The following AP3B2 variants were observed in gnomAD, a reference collection of about 807,000 sequenced individuals.
The protein encoded by AP3B2 is adaptor related protein complex 3 subunit beta 2.
A neutral mutation model predicts 126.9 loss-of-function variants in AP3B2; 50 were observed. The ratio of observed to expected loss-of-function variants is 0.39; its 90% CI spans 0.31 to 0.50. The LOEUF is 0.50. Ranked by LOEUF, AP3B2 falls within the 20% of genes least tolerant of loss-of-function variation. The pLI, the probability that AP3B2 is intolerant of heterozygous loss-of-function variation, is 0.79. For synonymous variants in AP3B2, 541 were observed against 565.0 expected, an observed-to-expected ratio of 0.96 and a Z score of 0.60; for missense variants, 1,177 against 1,426.4, an observed-to-expected ratio of 0.83 and a Z score of 2.82.
chr15:82,688,801 G>C lies in AP3B2; in HGVS notation c.295C>G (p.Arg99Gly). 6.2e-7 allele frequency: 1 copy of C among 1,612,832 alleles called. No individual in the cohort carries two copies. Among genetic ancestry groups the C allele is most frequent in the Non-Finnish European group, 8.5e-7 (1 of 1,179,454 alleles). Reference protein sequence around the residue: ...VKKLVYVYLVRYAEEQQDLAL... With the variant: ...VKKLVYVYLVGYAEEQQDLAL... ...AGGTCTTGCTGCTCCTCAGCGTAGCGTACCAGGTACACATAGACAAGCTTC... is the reference window on the plus strand; with the variant it reads ...AGGTCTTGCTGCTCCTCAGCGTAGCCTACCAGGTACACATAGACAAGCTTC... The change falls in exon 4 of 27, where the codon CGC (arginine) becomes GGC (glycine). Residue 99 changes from arginine to glycine, a missense_variant. Arg to Gly is a moderately radical substitution (Grantham distance 125, BLOSUM62 -2). Coordinates refer to ENST00000535359, the MANE Select transcript of AP3B2 (RefSeq NM_001278512.2).
intron 4 of AP3B2, chr15:82,688,313 C>T (rs2048465689): frequency 1.6e-6 from 1 of 644,974 alleles, no homozygotes; most frequent in Non-Finnish European, 2.8e-6. Context: ...CAAAATGAAA[C>T]AAAAGGTGAG....
At position 82,677,042 on chromosome 15, in the gene AP3B2, A is replaced by G. The variant is rs536746961; in HGVS notation, c.1488+232T>C. On this transcript the variant is annotated intron_variant, in intron 13 of 26. Coordinates refer to ENST00000535359, the MANE Select transcript of AP3B2 (RefSeq NM_001278512.2). ...CAACCATGGTTGGCTAGAGCTTTAG[A>G]GAGAAAACAAGAGTAGTAGTAAAGT... Among the ~76,000 whole-genome samples the G allele has an allele frequency of 3.9e-5, 6 of 152,330 alleles. No individual in the cohort carries two copies. The East Asian group carries it at 1.2e-3, about 29-fold the overall frequency.
intron 1 of AP3B2, among the ~76,000 whole-genome samples, chr15:82,707,384 T>C (rs1354891771): frequency 6.6e-6 from 1 of 152,234 alleles, no homozygotes; most frequent in East Asian, 1.9e-4. Context: ...TAGATGCTCC[T>C]TTTTATTAGG....
Position 82,665,376 on chromosome 15 carries a change from A to AACACACACACAC in AP3B2, c.1971+69_1972-74dup, listed in dbSNP as rs60428596. ...GGGCTCCCTACTGTCTGCCCCCACC[A>AACACACACACAC]ACACACACACACACACACACACACA... On this transcript the variant is annotated intron_variant, in intron 16 of 26. Coordinates refer to ENST00000535359, the MANE Select transcript of AP3B2 (RefSeq NM_001278512.2). This position sits in a 1 kb window ranked among gnomAD's most constrained non-coding sequence, Gnocchi z 4.4. 1,260 of 1,256,800 alleles carry AACACACACACAC rather than the reference A, an allele frequency of 1.0e-3. 4 individuals are homozygous for AACACACACACAC. The highest frequency in any genetic ancestry group is 2.9e-3 in the African/African-American group (169 of 58,062). 77.9% of individuals were successfully genotyped at this position (1,256,800 alleles called of 1,614,324 possible). A position where few individuals can be genotyped will look rare whatever the true frequency, so the allele number is the denominator to read the frequency against.
At chr15:82,670,112 T>TTGGG (rs1555465704) in intron 14 of AP3B2, among the ~76,000 whole-genome samples, 14 of 68,932 alleles carry the variant, frequency 2.0e-4, no homozygotes, top group African/African-American at 5.1e-4. Flanking sequence ...TTTTTTTTTT[T>TTGGG]GGCGGGGGGG....
rs1339849670 is a variant in AP3B2, at chr15:82,663,878, T to C, written c.2359A>G (p.Ser787Gly). The change falls in exon 20 of 27, where the codon AGT becomes GGT. Residue 787 changes from serine to glycine, a missense_variant. Around this residue, in one of 5 missense-constraint regions of AP3B2, gnomAD observed 587 missense variants for 571.3 expected, o/e 1.03. Coordinates refer to ENST00000535359, the MANE Select transcript of AP3B2 (RefSeq NM_001278512.2). The part of the protein sequence containing the change: ...SSSDEGSDSS[S>G]SSSESEMTSE... ...GTCATCTCGGACTCTGATGAGCTACTGCTGGAATCGCTGCCCTCATCAGAG... is the reference window on the plus strand; with the variant it reads ...GTCATCTCGGACTCTGATGAGCTACCGCTGGAATCGCTGCCCTCATCAGAG... The C allele has an allele frequency of 6.2e-7, 1 of 1,613,760 alleles. No individual in the cohort carries two copies. Among genetic ancestry groups the C allele is most frequent in the Admixed American group, 1.7e-5 (1 of 60,006 alleles).
rs931951015 is a variant in AP3B2, at chr15:82,661,913, G to T, written c.2928C>A (p.Thr976=). ...GCTGAATGGAGACGTAGAACTGTCG[G>T]GTCTGGGTGCTGGGAGGGGTGGGAG... ...QAANFQLCTQ[T]RQFYVSIQPP... The change falls in exon 25 of 27, where the codon ACC becomes ACA. Residue 976 remains threonine, a synonymous_variant. Coordinates refer to ENST00000535359, the MANE Select transcript of AP3B2 (RefSeq NM_001278512.2). The T allele has an allele frequency of 5.0e-6, 8 of 1,613,774 alleles. No individual in the cohort carries two copies. Among genetic ancestry groups the T allele is most frequent in the Non-Finnish European group, 6.8e-6 (8 of 1,179,818 alleles).
Position 82,663,774 on chromosome 15 carries a change from A to G in AP3B2, c.2436+27T>C, listed in dbSNP as rs1181859557. The G allele has an allele frequency of 1.9e-6, 3 of 1,605,202 alleles. No homozygotes were observed. The Admixed American group carries it at 5.0e-5, about 27-fold the overall frequency. On this transcript the variant is annotated intron_variant, in intron 20 of 26. Transcript: ENST00000535359. ...GGGGAGGGCCCTGGCCCATGAGCACACCCTGACTCTGCCCCAAGGCTCTCA... is the reference window on the plus strand; with the variant it reads ...GGGGAGGGCCCTGGCCCATGAGCACGCCCTGACTCTGCCCCAAGGCTCTCA...
Position 82,664,662 on chromosome 15 carries a change from TAGA to T in AP3B2, c.2137+170_2137+172del, listed in dbSNP as rs1377087036. On this transcript the variant is annotated intron_variant, in intron 18 of 26. Coordinates refer to ENST00000535359, the MANE Select transcript of AP3B2 (RefSeq NM_001278512.2). The surrounding 1 kb of genome is among the most constrained non-coding windows in gnomAD (Gnocchi z 4.5). ...CAGAAACACAGATGGACTCCATGGA[TAGA>T]AACCTGCACAAGCACACACACCTGG... Among the ~76,000 whole-genome samples, 2 of 152,152 alleles carry T rather than the reference TAGA, an allele frequency of 1.3e-5. No individual in the cohort carries two copies. Among genetic ancestry groups the T allele is most frequent in the Non-Finnish European group, 2.9e-5 (2 of 68,034 alleles).
Position 82,665,433 on chromosome 15 carries a change from A to ACACACACT in AP3B2, c.1971+23_1971+24insAGTGTGTG. ...CACACACACACACACACACACACAC[A>ACACACACT]CTTCAACCCTCCACCCCGCTGACCT... On this transcript the variant is annotated intron_variant, in intron 16 of 26. Transcript: ENST00000535359. The surrounding 1 kb of genome is among the most constrained non-coding windows in gnomAD (Gnocchi z 4.4). 4 of 1,435,854 alleles carry ACACACACT rather than the reference A, an allele frequency of 2.8e-6. No homozygotes were observed. Among genetic ancestry groups the ACACACACT allele is most frequent in the Admixed American group, 1.8e-5 (1 of 55,264 alleles). 88.9% of individuals were successfully genotyped at this position (1,435,854 alleles called of 1,614,324 possible).
intron 1 of AP3B2, among the ~76,000 whole-genome samples, chr15:82,707,508 A>G (rs1204764389): frequency 6.6e-6 from 1 of 152,136 alleles, no homozygotes; most frequent in East Asian, 1.9e-4. Context: ...CTACTCATAC[A>G]TGCCCTGCTC....
At chr15:82,663,017 A>G in intron 22 of AP3B2, 95 bp from the exon 23 acceptor site, 1 of 1,497,324 alleles carries the variant, frequency 6.7e-7, no homozygotes, top group Non-Finnish European at 9.1e-7. Flanking sequence ...CTGGGACTCA[A>G]AGCTATCACA....
intron 4 of AP3B2, among the ~76,000 whole-genome samples, chr15:82,682,983 G>A (rs1159392757): frequency 7.3e-6 from 1 of 137,466 alleles, no homozygotes; most frequent in Non-Finnish European, 1.5e-5. Flanking sequence ...TATCAACTAA[G>A]TTTATGTAAT....
chr15:82,668,235 C>T (rs1469715099), intron 14 of AP3B2, among the ~76,000 whole-genome samples: 3 of 152,250 alleles, frequency 2.0e-5, no homozygotes. Context: ...AGGCCCTCTT[C>T]AGCTCAGTCC....
At position 82,664,114 on chromosome 15, in the gene AP3B2, G is replaced by A; in HGVS notation, c.2262-139C>T. The A allele has an allele frequency of 7.1e-7, 1 of 1,399,582 alleles. No homozygotes were observed. Among genetic ancestry groups the A allele is most frequent in the Non-Finnish European group, 9.4e-7 (1 of 1,061,516 alleles). The allele number at this position is 1,399,582 out of a possible 1,614,324, so 86.7% of individuals were successfully genotyped here. ...GGTTCACACCTGAGGTCCTATAGCA[G>A]GGACCCCGTGAGAGCTTGAAGCCAG... On this transcript the variant is annotated intron_variant, in intron 19 of 26. Transcript: ENST00000535359. The surrounding 1 kb of genome is among the most constrained non-coding windows in gnomAD (Gnocchi z 4.5).
At position 82,709,656 on chromosome 15, in the gene AP3B2, G is replaced by C. The variant is rs1265801118; in HGVS notation, c.51C>G (p.Pro17=). ...YSEDKGGSAG[P]GEPEYGHDPA... Reference sequence around the variant, plus strand: ...GGTCGTGGCCGTACTCGGGCTCCCCGGGGCCAGCGGAGCCGCCCTTGTCTT... The same window carrying C: ...GGTCGTGGCCGTACTCGGGCTCCCCCGGGCCAGCGGAGCCGCCCTTGTCTT... The change falls in exon 1 of 27, where the codon CCC becomes CCG. Residue 17 remains proline (P), a synonymous_variant. Coordinates refer to ENST00000535359, the MANE Select transcript of AP3B2 (RefSeq NM_001278512.2). 6.6e-7 allele frequency: 1 copy of C among 1,515,518 alleles called. No individual in the cohort carries two copies. The highest frequency in any genetic ancestry group is 8.8e-7 in the Non-Finnish European group (1 of 1,134,434). 93.9% of individuals were successfully genotyped at this position (1,515,518 alleles called of 1,614,324 possible).
Position 82,665,529 on chromosome 15 carries a change from G to A in AP3B2, c.1899C>T (p.Ala633=). The A allele has an allele frequency of 6.2e-7, 1 of 1,613,944 alleles. No individual in the cohort carries two copies. The highest frequency in any genetic ancestry group is 8.5e-7 in the Non-Finnish European group (1 of 1,179,882). ...QLGSLSHLLN[A]KATGYQELPD... Reference sequence around the variant, plus strand: ...GGAGCTCCTGGTAGCCTGTGGCCTTGGCATTAAGCAGGTGGGACAGTGAGC... The same window carrying A: ...GGAGCTCCTGGTAGCCTGTGGCCTTAGCATTAAGCAGGTGGGACAGTGAGC... Residue 633 remains alanine, a synonymous_variant, in exon 16 of 27, where the codon GCC becomes GCT. Transcript: ENST00000535359. This position sits in a 1 kb window ranked among gnomAD's most constrained non-coding sequence, Gnocchi z 4.4.
intron 21 of AP3B2, 84 bp from the exon 22 acceptor site, chr15:82,663,317 T>G: frequency 8.6e-7 from 1 of 1,159,050 alleles, no homozygotes; most frequent in Non-Finnish European, 1.3e-6. Context: ...GGAGCACGCA[T>G]TTCAGCACCA....
intron 1 of AP3B2, among the ~76,000 whole-genome samples, chr15:82,704,161 A>G (rs1567277261): frequency 6.6e-6 from 1 of 152,216 alleles, no homozygotes. Context: ...ATAAAAACCC[A>G]GCCCAGTTCA....
Sources: gnomAD v4.1 joint callset for allele counts (sites outside exome capture counted in the v4.1 genomes callset) on GRCh38, gnomAD v4.1.1 for gene constraint, gnomAD v4.1.1 regional missense constraint, Gnocchi (gnomAD v3.1) non-coding constraint, MANE v1.5 for transcripts, NCBI Gene and HGNC (gene_info 2026-07-23, HGNC 2026-07-21) for gene names.